Variants in MANEA observed in about 807,000 individuals in gnomAD.
The protein encoded by MANEA is mannosidase endo-alpha.
Under a neutral mutation model 36.8 loss-of-function variants are expected in MANEA, and 25 were observed. That is an observed-to-expected ratio of 0.68 (90% CI 0.50 to 0.95). The LOEUF is 0.95. Among genes scored for constraint, MANEA ranks in the 40% least tolerant of loss-of-function variants. MANEA has a pLI of 0.00. For synonymous variants in MANEA, 198 were observed against 188.5 expected (o/e 1.05, Z -0.41); for missense variants, 565 against 558.8 (o/e 1.01, Z -0.11).
At position 95,606,341 on chromosome 6, in the gene MANEA, G is replaced by T. The variant is rs1339796906; in HGVS notation, c.1325G>T (p.Trp442Leu). ...PGLYLELTRK[W>L]SEKYSKERAT... is the part of the protein sequence containing the mutation. ...CTTTACCTAGAACTGACTCGCAAGT[G>T]GTCTGAAAAATACAGTAAGGAAAGA... The change falls in exon 5 of 5, where the codon TGG becomes TTG. Residue 442 changes from tryptophan (W) to leucine (L), a missense_variant. Coordinates refer to ENST00000358812, the MANE Select transcript of MANEA (RefSeq NM_024641.4). 1 of 1,608,064 alleles carries T rather than the reference G, an allele frequency of 6.2e-7. No homozygotes were observed. The highest frequency in any genetic ancestry group is 8.5e-7 in the Non-Finnish European group (1 of 1,179,732).
chr6:95,593,076 A>G (rs1434949617), intron 2 of MANEA, among the ~76,000 whole-genome samples: 1 of 152,202 alleles, frequency 6.6e-6, no homozygotes, highest in Non-Finnish European at 1.5e-5. Flanking sequence ...TTGCTAAGCA[A>G]TTAGGATGAC....
intron 2 of MANEA, 31 bp from the exon 3 acceptor site, chr6:95,596,705 CT>C: frequency 8.6e-7 from 1 of 1,165,004 alleles, no homozygotes; most frequent in Admixed American, 1.7e-5. Context: ...ATGTTCTTGT[CT>C]TTTCCCTTTC....
intron 1 of MANEA, among the ~76,000 whole-genome samples, chr6:95,580,907 G>A (rs1208348187): frequency 6.6e-6 from 1 of 152,048 alleles, no homozygotes; most frequent in Non-Finnish European, 1.5e-5. Flanking sequence ...TAGGCATTTA[G>A]AATAAAATGT....
At chr6:95,594,005 T>G (rs1192066339) in intron 2 of MANEA, among the ~76,000 whole-genome samples, 2 of 151,628 alleles carry the variant, frequency 1.3e-5, no homozygotes, top group Admixed American at 1.3e-4. Flanking sequence ...GAGGTTGCAG[T>G]GAGCTGAGAT....
At chr6:95,592,856 T>C (rs1482308647) in intron 2 of MANEA, among the ~76,000 whole-genome samples, 1 of 152,180 alleles carries the variant, frequency 6.6e-6, no homozygotes, top group Non-Finnish European at 1.5e-5. Flanking sequence ...AACTCGATTC[T>C]CTAGGCCTAT....
chr6:95,601,910 C>G (rs1769601151), intron 3 of MANEA, among the ~76,000 whole-genome samples: 1 of 151,866 alleles, frequency 6.6e-6, no homozygotes, highest in South Asian at 2.1e-4. Context: ...GCATATGGCT[C>G]TAGAGTCATT....
chr6:95,605,969 A>C lies in MANEA; in HGVS notation c.953A>C (p.Asp318Ala). 1 of 1,613,982 alleles carries C rather than the reference A, an allele frequency of 6.2e-7. No individual in the cohort carries two copies. The highest frequency in any genetic ancestry group is 8.5e-7 in the Non-Finnish European group (1 of 1,179,966). The change falls in exon 5 of 5, where the codon GAT (aspartate) becomes GCT (alanine). Residue 318 changes from aspartate (D) to alanine (A), a missense_variant. Asp to Ala is a moderately radical substitution (Grantham distance 126). Coordinates refer to ENST00000358812, the MANE Select transcript of MANEA (RefSeq NM_024641.4). ...HKYDILQSGF[D>A]GIYTYFATNG... ...TATGATATTCTTCAAAGTGGTTTTG[A>C]TGGAATTTACACATATTTTGCCACA...
chr6:95,595,713 T>G (rs562349755), intron 2 of MANEA, among the ~76,000 whole-genome samples: 1 of 152,252 alleles, frequency 6.6e-6, no homozygotes, highest in African/African-American at 2.4e-5. Flanking sequence ...GTATACGTAA[T>G]GAGGCTTTGA....
chr6:95,578,020 G>C (rs1053228552), intron 1 of MANEA, among the ~76,000 whole-genome samples: 1 of 152,256 alleles, frequency 6.6e-6, no homozygotes, highest in African/African-American at 2.4e-5. Flanking sequence ...GCCTTTTTCA[G>C]CACCTTCTCC....
chr6:95,604,820 GT>G lies in MANEA; in HGVS notation c.655-3del. 1 of 1,335,610 alleles carries G rather than the reference GT, an allele frequency of 7.5e-7. No homozygotes were observed. The allele number at this position is 1,335,610 out of a possible 1,614,324, so 82.7% of individuals were successfully genotyped here. A position where few individuals can be genotyped will look rare whatever the true frequency, so the allele number is the denominator to read the frequency against. ...TATCCCCTAACTGATTTTATTGTTTGTTTTAGGTTACTTTTCACATAGAACC... is the reference window on the plus strand; with the variant it reads ...TATCCCCTAACTGATTTTATTGTTTGTTTAGGTTACTTTTCACATAGAACC... On this transcript the variant is annotated splice_region_variant and splice_polypyrimidine_tract_variant and intron_variant, in intron 3 of 4. Coordinates refer to ENST00000358812, the MANE Select transcript of MANEA (RefSeq NM_024641.4).
Position 95,607,466 on chromosome 6 carries a change from G to A in MANEA, c.*1061G>A, listed in dbSNP as rs1769738861. On this transcript the variant is annotated 3_prime_UTR_variant, in exon 5 of 5. Coordinates refer to ENST00000358812, the MANE Select transcript of MANEA (RefSeq NM_024641.4). ...TAGCATTTTAGATTCTAGAGACATGGAAATGAAAATTATTTTATGTCTAGA... is the reference window on the plus strand; with the variant it reads ...TAGCATTTTAGATTCTAGAGACATGAAAATGAAAATTATTTTATGTCTAGA... 6.6e-6 allele frequency: 1 copy of A among 151,896 alleles called. No individual in the cohort carries two copies. Among genetic ancestry groups the A allele is most frequent in the South Asian group, 2.1e-4 (1 of 4,824 alleles). 9.4% of individuals were successfully genotyped at this position (151,896 alleles called of 1,614,324 possible).
At chr6:95,578,164 C>T (rs558248947) in intron 1 of MANEA, among the ~76,000 whole-genome samples, 121 of 152,268 alleles carry the variant, frequency 7.9e-4, no homozygotes, top group African/African-American at 2.7e-3. Flanking sequence ...GATGGCGAGG[C>T]CGCTAGAGAT....
At chr6:95,588,256 A>T (rs1769325114) in intron 2 of MANEA, 1 of 152,112 alleles carries the variant, frequency 6.6e-6, no homozygotes, top group Admixed American at 6.5e-5. Flanking sequence ...CCAGCTCTAC[A>T]TAAAGGTATG....
rs1769670499 is a variant in MANEA at position 95,604,897 on chromosome 6, T to C, written c.725T>C (p.Ile242Thr). The C allele has an allele frequency of 7.5e-7, 1 of 1,330,638 alleles. No individual in the cohort carries two copies. The highest frequency in any genetic ancestry group is 1.0e-6 in the Non-Finnish European group (1 of 969,524). The allele number at this position is 1,330,638 out of a possible 1,614,324, so 82.4% of individuals were successfully genotyped here. Residue 242 changes from isoleucine (I) to threonine (T), a missense_variant, in exon 4 of 5, where the codon ATA (isoleucine) becomes ACA (threonine). Coordinates refer to ENST00000358812, the MANE Select transcript of MANEA (RefSeq NM_024641.4). The part of the protein sequence containing the change: ...QNMYKNVKYI[I>T]DKYGNHPAFY... Reference sequence around the variant, plus strand: ...ATGTACAAAAATGTCAAGTATATTATAGACAAGTGAGTTTCTTCAATATTT... The same window carrying C: ...ATGTACAAAAATGTCAAGTATATTACAGACAAGTGAGTTTCTTCAATATTT...
chr6:95,605,115 G>A (rs937299605), intron 4 of MANEA, among the ~76,000 whole-genome samples: 1 of 151,924 alleles, frequency 6.6e-6, no homozygotes, highest in Non-Finnish European at 1.5e-5. Flanking sequence ...GAAGATTGCT[G>A]TTTTTACTGT....
In MANEA at chr6:95,586,435, T is replaced by G; in HGVS notation, c.-5T>G. 2 of 1,600,260 alleles carry G rather than the reference T, an allele frequency of 1.2e-6. No individual in the cohort carries two copies. Among genetic ancestry groups the G allele is most frequent in the South Asian group, 2.2e-5 (2 of 89,064 alleles). ...TTACTATTTTGGAGTTTAAAGTATG[T>G]CATCATGGCAAAGTTTCGGAGAAGG... On this transcript the variant is annotated 5_prime_UTR_variant, in exon 2 of 5. Transcript: ENST00000358812.
At chr6:95,593,236 T>C (rs1473897438) in intron 2 of MANEA, among the ~76,000 whole-genome samples, 1 of 152,214 alleles carries the variant, frequency 6.6e-6, no homozygotes, top group Non-Finnish European at 1.5e-5. Flanking sequence ...GTTCCCAGGC[T>C]AGTATTTATT....
intron 1 of MANEA, 26 bp downstream of exon 1, chr6:95,577,664 C>T (rs1349804820): frequency 6.6e-6 from 1 of 152,274 alleles, no homozygotes; most frequent in African/African-American, 2.4e-5. Context: ...AGTCAGACCT[C>T]TTGGAGGCGG....
chr6:95,602,386 C>A (rs1769609923), intron 3 of MANEA, among the ~76,000 whole-genome samples: 2 of 152,024 alleles, frequency 1.3e-5, no homozygotes, highest in South Asian at 4.1e-4. Context: ...GGAAGACCTA[C>A]CTCAATTTTG....
Sources: gnomAD v4.1 joint callset for allele counts (sites outside exome capture counted in the v4.1 genomes callset) on GRCh38, gnomAD v4.1.1 for gene constraint, MANE v1.5 for transcripts, NCBI Gene and HGNC (gene_info 2026-07-23, HGNC 2026-07-21) for gene names.